STK33: variants seen among roughly 807,000 people sequenced by gnomAD.
STK33 encodes the protein serine/threonine kinase 33.
Under a neutral mutation model 58.0 loss-of-function variants are expected in STK33, and 52 were observed. The observed-to-expected ratio is 0.90, with a 90% CI of 0.72 to 1.13. The LOEUF is 1.13. Ranked by LOEUF, STK33 falls within the 50% of genes most tolerant of loss-of-function variation. The probability of loss-of-function intolerance (pLI) is 0.00; values close to 1 mark genes in which losing one functional copy is unlikely to be tolerated. For synonymous variants in STK33, 215 were observed against 200.1 expected (o/e 1.07, Z -0.63); for missense variants, 630 against 604.2 (o/e 1.04, Z -0.45).
At chr11:8,403,188 T>C (rs1256253446) in intron 15 of STK33, among the ~76,000 whole-genome samples, 5 of 152,212 alleles carry the variant, frequency 3.3e-5, no homozygotes, top group Admixed American at 3.3e-4. Context: ...TAGGCTGTTC[T>C]TTGAAGATAC....
chr11:8,462,440 TATACACAC>T (rs1342394051), intron 7 of STK33, among the ~76,000 whole-genome samples: 6,987 of 126,466 alleles, frequency 0.055, 279 homozygotes, highest in African/African-American at 0.12. Flanking sequence ...TATATACATA[TATACACAC>T]ACACACACAC....
At chr11:8,566,501 G>C (rs903323195) in intron 1 of STK33, among the ~76,000 whole-genome samples, 2 of 152,146 alleles carry the variant, frequency 1.3e-5, no homozygotes, top group African/African-American at 4.8e-5. Flanking sequence ...TTAATGTGTG[G>C]TTCATTTAGA....
At chr11:8,430,990 C>A (rs1053456040) in intron 14 of STK33, among the ~76,000 whole-genome samples, 3 of 151,814 alleles carry the variant, frequency 2.0e-5, no homozygotes, top group African/African-American at 7.3e-5. Flanking sequence ...CCTCAGCCTC[C>A]CAAGTAGCTG....
chr11:8,504,465 A>G (rs949184014), intron 1 of STK33, among the ~76,000 whole-genome samples: 3 of 152,108 alleles, frequency 2.0e-5, no homozygotes, highest in African/African-American at 7.2e-5. Context: ...GAATTTTGAG[A>G]TATAGTTGTC....
intron 1 of STK33, among the ~76,000 whole-genome samples, chr11:8,490,039 G>T (rs1242051236): frequency 1.3e-5 from 2 of 152,186 alleles, no homozygotes; most frequent in East Asian, 3.9e-4. Flanking sequence ...TCCAACTGAG[G>T]TACCTGGTTC....
Position 8,534,200 on chromosome 11 carries a change from G to A in STK33, c.-465-53586C>T, listed in dbSNP as rs979004440. ...TGAGGCAGGAGAATCGCTTGAACCC[G>A]GGAGGCAGAGTTTGCAGTGAGCCAA... is the stretch of plus-strand genomic sequence containing the variant. On this transcript the variant is annotated intron_variant, in intron 1 of 15. Coordinates refer to ENST00000687296, the MANE Select transcript of STK33 (RefSeq NM_001352389.2). Among the ~76,000 whole-genome samples the A allele has an allele frequency of 7.2e-5, 11 of 152,084 alleles. No individual in the cohort carries two copies. In the East Asian group the frequency reaches 7.7e-4, roughly 11 times the overall value.
At chr11:8,445,949 A>C (rs745673762) in intron 11 of STK33, among the ~76,000 whole-genome samples, 1 of 152,196 alleles carries the variant, frequency 6.6e-6, no homozygotes, top group Non-Finnish European at 1.5e-5. Flanking sequence ...TTTCAGAAGG[A>C]ATGGTACCAG....
At position 8,473,157 on chromosome 11, in the gene STK33, A is replaced by G; in HGVS notation, c.339+6T>C. 6.3e-7 allele frequency: 1 copy of G among 1,595,108 alleles called. No individual in the cohort carries two copies. The highest frequency in any genetic ancestry group is 1.1e-5 in the South Asian group (1 of 88,960). ...TTCACAGTAGCTTCATTTGCTTTCTATATACCTCAATAGCAGCTCCATTCT... is the reference window on the plus strand; with the variant it reads ...TTCACAGTAGCTTCATTTGCTTTCTGTATACCTCAATAGCAGCTCCATTCT... On this transcript the variant is annotated splice_donor_region_variant and intron_variant, in intron 6 of 15. Transcript: ENST00000687296.
intron 1 of STK33, among the ~76,000 whole-genome samples, chr11:8,542,498 G>A (rs1955600194): frequency 6.6e-6 from 1 of 152,170 alleles, no homozygotes; most frequent in Admixed American, 6.5e-5. Context: ...ACAACTAGGG[G>A]AGTGCTACTG....
intron 7 of STK33, among the ~76,000 whole-genome samples, chr11:8,462,589 G>A (rs532283162): frequency 9.0e-4 from 136 of 151,876 alleles, no homozygotes; most frequent in African/African-American, 3.2e-3. Flanking sequence ...GAGAGAGACG[G>A]AAAGAGAGAG....
Position 8,477,747 on chromosome 11 carries a change from T to C in STK33, c.-260-464A>G, listed in dbSNP as rs377568201. 1.9e-3 allele frequency among the ~76,000 whole-genome samples: 295 copies of C among 152,350 alleles called. 2 individuals are homozygous for C. Among genetic ancestry groups the C allele is most frequent in the African/African-American group, 6.7e-3 (280 of 41,592 alleles). ...CCTTTAATTTTCATCAATTTTTCAATAAGTCATTATCATATCACTGACATT... is the reference window on the plus strand; with the variant it reads ...CCTTTAATTTTCATCAATTTTTCAACAAGTCATTATCATATCACTGACATT... On this transcript the variant is annotated intron_variant, in intron 2 of 15. Coordinates refer to ENST00000687296, the MANE Select transcript of STK33 (RefSeq NM_001352389.2).
chr11:8,495,950 G>T (rs997829433), intron 1 of STK33, among the ~76,000 whole-genome samples: 2 of 151,910 alleles, frequency 1.3e-5, no homozygotes, highest in Non-Finnish European at 2.9e-5. Context: ...GCCTGTCATG[G>T]GGTGGGGGGC....
chr11:8,418,085 A>AT (rs146612983), intron 14 of STK33, among the ~76,000 whole-genome samples: 40 of 150,322 alleles, frequency 2.7e-4, no homozygotes, highest in Admixed American at 6.0e-4. Context: ...CTGGCTTTTC[A>AT]TTTTTTTTTT....
chr11:8,450,386 TCA>T (rs1946125937), intron 11 of STK33, among the ~76,000 whole-genome samples: 1 of 151,804 alleles, frequency 6.6e-6, no homozygotes, highest in Non-Finnish European at 1.5e-5. Flanking sequence ...GAGGCGAACA[TCA>T]CACACCGGGG....
At chr11:8,482,969 A>C (rs1266049035) in intron 1 of STK33, among the ~76,000 whole-genome samples, 1 of 151,854 alleles carries the variant, frequency 6.6e-6, no homozygotes, top group African/African-American at 2.4e-5. Context: ...CTGACCTCAT[A>C]ATCTGCCTGC....
chr11:8,350,867 A>C, the STK33 span, among the ~76,000 whole-genome samples: 1 of 152,160 alleles, frequency 6.6e-6, no homozygotes, highest in East Asian at 1.9e-4. Context: ...TGGGACCTTC[A>C]GTTTCAAGCC....
At chr11:8,375,129 G>A in the STK33 span, among the ~76,000 whole-genome samples, 1 of 152,322 alleles carries the variant, frequency 6.6e-6, no homozygotes, top group South Asian at 2.1e-4. Flanking sequence ...TTGAAGAGAT[G>A]CCATCCTGAG....
At chr11:8,534,850 G>A (rs1481655325) in intron 1 of STK33, among the ~76,000 whole-genome samples, 2 of 152,036 alleles carry the variant, frequency 1.3e-5, no homozygotes, top group Non-Finnish European at 2.9e-5. Context: ...AAGTCCTATA[G>A]ATCTTAAGGA....
chr11:8,354,148 T>A, the STK33 span, among the ~76,000 whole-genome samples: 1 of 152,078 alleles, frequency 6.6e-6, no homozygotes, highest in Non-Finnish European at 1.5e-5. Flanking sequence ...AACACTATGT[T>A]ACCCACCGTG....
Sources: allele counts gnomAD v4.1 joint callset (sites outside exome capture counted in the v4.1 genomes callset), GRCh38; gene constraint gnomAD v4.1.1; transcripts MANE v1.5; gene names NCBI Gene and HGNC (gene_info 2026-07-23, HGNC 2026-07-21).